COPE: variants seen among roughly 807,000 people sequenced by gnomAD.
COPE encodes the protein coat protein complex I subunit epsilon.
Under a neutral mutation model 42.1 loss-of-function variants are expected in COPE, and 19 were observed. The ratio of observed to expected loss-of-function variants is 0.45; its 90% confidence interval spans 0.31 to 0.66. The LOEUF (loss-of-function observed/expected upper bound fraction) is 0.66. Ranked by LOEUF, COPE falls within the 30% of genes least tolerant of loss-of-function variation. The probability of loss-of-function intolerance (pLI) is 0.05; values close to 1 mark genes in which losing one functional copy is unlikely to be tolerated. For synonymous variants in COPE, 195 were observed against 181.3 expected (o/e 1.08, Z -0.60); for missense variants, 402 against 416.1 (o/e 0.97, Z 0.30).
chr19:18,904,745 C>T (rs376379507), intron 6 of COPE, 26 bp downstream of exon 6: 32 of 1,548,640 alleles, frequency 2.1e-5, no homozygotes, highest in Non-Finnish European at 2.8e-5. Flanking sequence ...CCGCAATGCC[C>T]ACCCACCTCA....
chr19:18,900,043 T>A (rs376222230), intron 8 of COPE, 96 bp from the exon 9 acceptor site: 2 of 1,056,060 alleles, frequency 1.9e-6, no homozygotes, highest in Non-Finnish European at 2.8e-6. Context: ...AGAGCCACAG[T>A]ACCCCAGGGG....
rs2056678599 is a variant in COPE at position 18,899,788 on chromosome 19, G to C, written c.880-62C>G. Reference sequence around the variant, plus strand: ...GGGTGTGGGGAGACAGGTGGAGGGAGAGAGAGAGGGCGCATGTGAGCCCAG... The same window carrying C: ...GGGTGTGGGGAGACAGGTGGAGGGACAGAGAGAGGGCGCATGTGAGCCCAG... On this transcript the variant is annotated intron_variant, in intron 9 of 9. Transcript: ENST00000262812. 3 of 1,610,922 alleles carry C rather than the reference G, an allele frequency of 1.9e-6. No homozygotes were observed. In the South Asian group the frequency reaches 3.3e-5, roughly 18 times the overall value.
At chr19:18,906,775 C>T (rs1317306070) in intron 4 of COPE, 185 bp downstream of exon 4, 11 of 627,140 alleles carry the variant, frequency 1.8e-5, no homozygotes, top group East Asian at 9.2e-5. Flanking sequence ...CAGCCTGGTG[C>T]GCAGATGGGA....
At chr19:18,910,932 GC>G (rs770362153) in intron 3 of COPE, 38 bp downstream of exon 3, 45 of 1,576,480 alleles carry the variant, frequency 2.9e-5, no homozygotes, top group Non-Finnish European at 3.6e-5. Context: ...CTTGAAGATG[GC>G]CCCGCGCCTC....
chr19:18,902,821 G>GAAAGAAAGA lies in COPE; in HGVS notation c.735+446_735+447insTCTTTCTTT. 6.7e-5 allele frequency among the ~76,000 whole-genome samples: 2 copies of GAAAGAAAGA among 29,664 alleles called. 1 individual carries two copies. The highest frequency in any genetic ancestry group is 6.5e-4 in the African/African-American group (2 of 3,066). 19.5% of individuals were successfully genotyped at this position (29,664 alleles called of 152,430 possible). ...GGAAGGAAGGAAGGAAGGAAGGAAG[G>GAAAGAAAGA]AAGGAAGAAAAGACTGCAGACATCA... On this transcript the variant is annotated intron_variant, in intron 7 of 9. Coordinates refer to ENST00000262812, the MANE Select transcript of COPE (RefSeq NM_007263.4).
chr19:18,904,923 C>T, intron 5 of COPE, 71 bp from the exon 6 acceptor site: 1 of 1,451,836 alleles, frequency 6.9e-7, no homozygotes, highest in Non-Finnish European at 9.4e-7. Context: ...TGCCTTGTCC[C>T]CACTTGGGGC....
At chr19:18,910,924 T>G in intron 3 of COPE, 47 bp downstream of exon 3, 3 of 1,555,132 alleles carry the variant, frequency 1.9e-6, no homozygotes, top group Non-Finnish European at 2.7e-6. Flanking sequence ...CAACAGGCCT[T>G]GAAGATGGCC....
chr19:18,912,973 C>T lies in COPE; in HGVS notation c.189+11G>A. ...TCATCACTCTTGCCCCCGGCCAAGG[C>T]CCGCACTCACCTGCGCCAGGTACGC... is the stretch of plus-strand genomic sequence containing the variant. On this transcript the variant is annotated intron_variant, in intron 2 of 9. Transcript: ENST00000262812. 1 of 1,611,394 alleles carries T rather than the reference C, an allele frequency of 6.2e-7. No homozygotes were observed. The highest frequency in any genetic ancestry group is 8.5e-7 in the Non-Finnish European group (1 of 1,179,744).
At chr19:18,906,826 C>T in intron 4 of COPE, 134 bp downstream of exon 4, 1 of 1,068,378 alleles carries the variant, frequency 9.4e-7, no homozygotes, top group East Asian at 2.7e-5. Flanking sequence ...GCCTGGACAG[C>T]AGGCCAGGGC....
At chr19:18,900,124 G>GC in intron 8 of COPE, 177 bp from the exon 9 acceptor site, 1 of 625,526 alleles carries the variant, frequency 1.6e-6, no homozygotes, top group Non-Finnish European at 2.8e-6. Flanking sequence ...GGATGGGCCT[G>GC]CCCCCTGGAG....
Position 18,900,387 on chromosome 19 carries a change from G to C in COPE, c.798C>G (p.Pro266=). The part of the protein sequence containing the change: ...LIVLSQHLGK[P]PEVTNRYLSQ... ...AGCCCTGGGGGCCGCTTACCTCAGG[G>C]GGCTTGCCCAGGTGCTGGGACAGGA... Residue 266 remains proline (P), a synonymous_variant, in exon 8 of 10, where the codon CCC becomes CCG. Transcript: ENST00000262812. 2 of 1,548,908 alleles carry C rather than the reference G, an allele frequency of 1.3e-6. No homozygotes were observed. The highest frequency in any genetic ancestry group is 1.7e-6 in the Non-Finnish European group (2 of 1,145,738).
At chr19:18,914,403 T>G (rs1439755975) in intron 1 of COPE, among the ~76,000 whole-genome samples, 1 of 151,844 alleles carries the variant, frequency 6.6e-6, no homozygotes, top group Non-Finnish European at 1.5e-5. Flanking sequence ...TAGCCAGGTG[T>G]GGTGGCGGGC....
chr19:18,916,352 C>CA (rs540811137), intron 1 of COPE, among the ~76,000 whole-genome samples: 3,172 of 133,938 alleles, frequency 0.024, 122 homozygotes, highest in African/African-American at 0.082. Context: ...GACTCTGTCT[C>CA]AAAAAAAAAA....
At chr19:18,910,404 G>A (rs919822662) in intron 3 of COPE, among the ~76,000 whole-genome samples, 4 of 152,186 alleles carry the variant, frequency 2.6e-5, no homozygotes, top group Admixed American at 6.5e-5. Context: ...TGGGCAACAC[G>A]GTGAAACCCA....
At chr19:18,906,581 CAGAGGGCCCTGGA>C (rs1217837821) in intron 4 of COPE, 2 of 190,478 alleles carry the variant, frequency 1.0e-5, no homozygotes, top group Non-Finnish European at 2.1e-5. Context: ...ACCCCAACCC[CAGAGGGCCCTGGA>C]GGAGGGCCGG....
At chr19:18,916,577 C>G (rs926506950) in intron 1 of COPE, among the ~76,000 whole-genome samples, 1 of 152,024 alleles carries the variant, frequency 6.6e-6, no homozygotes, top group Non-Finnish European at 1.5e-5. Flanking sequence ...ATCATGAGGT[C>G]AGGAGTTACA....
intron 1 of COPE, among the ~76,000 whole-genome samples, chr19:18,916,710 C>T: frequency 6.6e-6 from 1 of 151,912 alleles, no homozygotes; most frequent in East Asian, 1.9e-4. Context: ...ACTGCTTGAA[C>T]CCGGGAGGCA....
rs2056768286 is a variant in COPE at position 18,907,114 on chromosome 19, T to C, written c.291-2A>G. On this transcript the variant is annotated splice_acceptor_variant, in intron 3 of 9. Transcript: ENST00000262812. LOFTEE classifies it high-confidence loss of function. ...TCCAGCTCGGCCACGATGCTGTCCC[T>C]GCAAGACAGAGATGCTCACGACCCA... The C allele has an allele frequency of 6.2e-7, 1 of 1,611,070 alleles. No individual in the cohort carries two copies. The highest frequency in any genetic ancestry group is 1.7e-5 in the Admixed American group (1 of 59,878).
intron 7 of COPE, among the ~76,000 whole-genome samples, chr19:18,901,266 C>T (rs759432690): frequency 6.6e-4 from 100 of 152,240 alleles, no homozygotes; most frequent in African/African-American, 2.2e-3. Flanking sequence ...TGGTGAGTCA[C>T]GGAACGTGTC....
Sources: allele counts gnomAD v4.1 joint callset (sites outside exome capture counted in the v4.1 genomes callset), GRCh38; gene constraint gnomAD v4.1.1; transcripts MANE v1.5; gene names NCBI Gene and HGNC (gene_info 2026-07-23, HGNC 2026-07-21).